CIB3: variants seen among roughly 807,000 people sequenced by gnomAD.
CIB3 encodes the protein calcium and integrin binding family member 3.
A neutral mutation model predicts 23.4 loss-of-function variants in CIB3; 22 were observed. The observed-to-expected ratio is 0.94, with a 90% CI of 0.67 to 1.34. The LOEUF (loss-of-function observed/expected upper bound fraction) is 1.34, where lower values mean the gene tolerates loss of function less well. CIB3 is among the 40% of genes most tolerant of loss of function. The probability of loss-of-function intolerance (pLI) is 0.00; values close to 1 mark genes in which losing one functional copy is unlikely to be tolerated. For synonymous variants in CIB3, 93 were observed against 95.8 expected (o/e 0.97, Z 0.17); for missense variants, 258 against 247.3 (o/e 1.04, Z -0.29).
At chr19:16,165,311 A>AT in intron 4 of CIB3, among the ~76,000 whole-genome samples, 1 of 151,118 alleles carries the variant, frequency 6.6e-6, no homozygotes, top group East Asian at 1.9e-4. Flanking sequence ...AAAAAAAAAA[A>AT]AGGAACTGAG....
intron 5 of CIB3, among the ~76,000 whole-genome samples, chr19:16,162,167 G>A (rs2091287167): frequency 6.7e-6 from 1 of 150,120 alleles, no homozygotes; most frequent in African/African-American, 2.4e-5. Flanking sequence ...AGGACTTTGG[G>A]AGGCCAAGGC....
chr19:16,165,906 C>T (rs1226155961), intron 4 of CIB3, among the ~76,000 whole-genome samples: 1 of 152,180 alleles, frequency 6.6e-6, no homozygotes, highest in Non-Finnish European at 1.5e-5. Context: ...TTATTGAGTG[C>T]AATTTTCATT....
In CIB3 at chr19:16,164,759, T is replaced by G. The variant is rs1183376457; in HGVS notation, c.501A>C (p.Glu167Asp). 1 of 1,614,016 alleles carries G rather than the reference T, an allele frequency of 6.2e-7. No individual in the cohort carries two copies. ...CCCGGAGGATCATGTTCTGGAAATCTTCCAGGGACAGCCGCCCATCATGGT... is the reference window on the plus strand; with the variant it reads ...CCCGGAGGATCATGTTCTGGAAATCGTCCAGGGACAGCCGCCCATCATGGT... Reference protein sequence around the residue: ...DGDHDGRLSLEDFQNMILRAP... With the variant: ...DGDHDGRLSLDDFQNMILRAP... Residue 167 changes from glutamate to aspartate, a missense_variant, in exon 5 of 6, where the codon GAA becomes GAC. Transcript: ENST00000269878.
intron 2 of CIB3, among the ~76,000 whole-genome samples, chr19:16,171,497 A>C (rs918269465): frequency 1.3e-4 from 20 of 152,094 alleles, no homozygotes; most frequent in African/African-American, 4.8e-4. Context: ...GAACTCAATG[A>C]AGGTGGGGTG....
Position 16,172,933 on chromosome 19 carries a change from T to C in CIB3, c.86+229A>G, listed in dbSNP as rs368008955. On this transcript the variant is annotated intron_variant, in intron 2 of 5. Coordinates refer to ENST00000269878, the MANE Select transcript of CIB3 (RefSeq NM_054113.4). ...CACCACTGCACTCCAGCCCAGGCAA[T>C]AGAGACAGACCCTGTCTCAAAAAAA... is the stretch of plus-strand genomic sequence containing the variant. 1.5e-4 allele frequency among the ~76,000 whole-genome samples: 20 copies of C among 136,766 alleles called. No homozygotes were observed. The East Asian group carries it at 3.2e-3, about 22-fold the overall frequency. 89.7% of individuals were successfully genotyped at this position (136,766 alleles called of 152,430 possible).
chr19:16,170,558 T>A (rs1050242818), intron 2 of CIB3, among the ~76,000 whole-genome samples: 1 of 152,172 alleles, frequency 6.6e-6, no homozygotes, highest in African/African-American at 2.4e-5. Context: ...CAGCGGCTCA[T>A]GCCTGTAATC....
At chr19:16,172,726 G>T (rs915845196) in intron 2 of CIB3, among the ~76,000 whole-genome samples, 1 of 152,004 alleles carries the variant, frequency 6.6e-6, no homozygotes, top group Non-Finnish European at 1.5e-5. Context: ...GAGGCAGGGG[G>T]ATCGCTTGAG....
rs1568339462 is a variant in CIB3 at position 16,173,502 on chromosome 19, GA to G, written c.-28del. 1.2e-6 allele frequency: 2 copies of G among 1,610,094 alleles called. No individual in the cohort carries two copies. The highest frequency in any genetic ancestry group is 8.5e-7 in the Non-Finnish European group (1 of 1,176,444). On this transcript the variant is annotated 5_prime_UTR_variant, in exon 1 of 6. Coordinates refer to ENST00000269878, the MANE Select transcript of CIB3 (RefSeq NM_054113.4). ...GTGTGAACCACAGCCCAGACTTGGG[GA>G]TGCACCCCAAAGGCTCCCAGCTTCC... is the stretch of plus-strand genomic sequence containing the variant.
chr19:16,168,048 G>A (rs1462302944), intron 4 of CIB3, 89 bp downstream of exon 4: 4 of 1,494,966 alleles, frequency 2.7e-6, no homozygotes, highest in Admixed American at 4.1e-5. Context: ...AAAACCCCTG[G>A]GGAGATATTT....
chr19:16,165,170 G>C (rs1280840081), intron 4 of CIB3, among the ~76,000 whole-genome samples: 4 of 151,370 alleles, frequency 2.6e-5, no homozygotes, highest in African/African-American at 9.7e-5. Context: ...GCATGCACCT[G>C]TAATCCCAGC....
chr19:16,170,753 T>C (rs2091324311), intron 2 of CIB3, among the ~76,000 whole-genome samples: 1 of 149,950 alleles, frequency 6.7e-6, no homozygotes, highest in Non-Finnish European at 1.5e-5. Context: ...ACCTGGGAGC[T>C]GGAGGTTGCA....
chr19:16,164,719 T>G lies in CIB3; in HGVS notation c.541A>C (p.Ser181Arg). The change falls in exon 5 of 6, where the codon AGC (serine) becomes CGC (arginine). Residue 181 changes from serine to arginine, a missense_variant and splice_region_variant. By Grantham distance (110) the Ser-to-Arg change is moderately radical. Transcript: ENST00000269878. ...GTGGGCGGTGACGGAGAGCATCACCTGAGGAAGTCTGGTGCCCGGAGGATC... is the reference window on the plus strand; with the variant it reads ...GTGGGCGGTGACGGAGAGCATCACCGGAGGAAGTCTGGTGCCCGGAGGATC... ...NMILRAPDFL[S>R]TFHIRI 6.2e-7 allele frequency: 1 copy of G among 1,613,560 alleles called. No homozygotes were observed. The highest frequency in any genetic ancestry group is 8.5e-7 in the Non-Finnish European group (1 of 1,179,622).
chr19:16,170,619 G>A (rs774468915), intron 2 of CIB3, among the ~76,000 whole-genome samples: 25 of 151,880 alleles, frequency 1.6e-4, no homozygotes, highest in South Asian at 8.3e-4. Flanking sequence ...TCAGGAGTTC[G>A]AGACTAGCCT....
intron 2 of CIB3, 46 bp downstream of exon 2, chr19:16,173,116 G>C (rs1035296251): frequency 6.2e-7 from 1 of 1,609,994 alleles, no homozygotes; most frequent in Non-Finnish European, 8.5e-7. Flanking sequence ...GCAATGAATA[G>C]AAAGTTGTTT....
At chr19:16,162,340 C>T (rs983709584) in intron 5 of CIB3, among the ~76,000 whole-genome samples, 3 of 151,530 alleles carry the variant, frequency 2.0e-5, no homozygotes, top group Non-Finnish European at 4.4e-5. Flanking sequence ...GGGAGGATTG[C>T]TCTTGAGCCC....
chr19:16,164,404 G>A (rs1463509064), intron 5 of CIB3, among the ~76,000 whole-genome samples: 1 of 152,164 alleles, frequency 6.6e-6, no homozygotes. Context: ...CTGCAGTGGC[G>A]GCTGATTTTC....
intron 2 of CIB3, among the ~76,000 whole-genome samples, chr19:16,170,596 G>T (rs991979635): frequency 1.3e-5 from 2 of 152,134 alleles, no homozygotes; most frequent in African/African-American, 2.4e-5. Context: ...CGAGGCGGGT[G>T]GATCACCAGA....
intron 5 of CIB3, among the ~76,000 whole-genome samples, chr19:16,161,765 C>A (rs769600766): frequency 1.4e-5 from 2 of 142,674 alleles, no homozygotes; most frequent in African/African-American, 5.1e-5. Flanking sequence ...GCAACCTCTG[C>A]CTCCTGGGTT....
chr19:16,171,587 G>A (rs184644147), intron 2 of CIB3, among the ~76,000 whole-genome samples: 1 of 152,300 alleles, frequency 6.6e-6, no homozygotes. Flanking sequence ...TTAGGTTTCT[G>A]TGTGGCTCTG....
Sources: gnomAD v4.1 joint callset for allele counts (sites outside exome capture counted in the v4.1 genomes callset) on GRCh38, gnomAD v4.1.1 for gene constraint, MANE v1.5 for transcripts, NCBI Gene and HGNC (gene_info 2026-07-23, HGNC 2026-07-21) for gene names.